The following ACSM3 variants were observed in gnomAD, a reference collection of about 807,000 sequenced individuals.
ACSM3 encodes acyl-coenzyme A synthetase ACSM3, mitochondrial.
ACSM3 carries 61 observed loss-of-function variants against 74.1 expected under a neutral mutation model. The observed-to-expected ratio is 0.82, with a 90% confidence interval of 0.67 to 1.02. ACSM3 has a LOEUF of 1.02. Ranked by LOEUF, ACSM3 falls within the 50% of genes least tolerant of loss-of-function variation. The pLI is 0.00. For synonymous variants in ACSM3, 213 were observed against 241.5 expected, an observed-to-expected ratio of 0.88 and a Z score of 1.09; for missense variants, 660 against 697.0, an observed-to-expected ratio of 0.95 and a Z score of 0.60.
intron 12 of ACSM3, among the ~76,000 whole-genome samples, chr16:20,793,527 C>G (rs1158484258): frequency 6.6e-6 from 1 of 152,168 alleles, no homozygotes; most frequent in Non-Finnish European, 1.5e-5. Flanking sequence ...GTGCATGTTA[C>G]AGTGGAGGGT....
chr16:20,736,395 A>AG (rs1297002901), intron 1 of ACSM3: 2 of 152,732 alleles, frequency 1.3e-5, no homozygotes, highest in Non-Finnish European at 2.9e-5. Flanking sequence ...AAAAAAAAAA[A>AG]ACAGACATAA....
intron 1 of ACSM3, chr16:20,682,403 T>C (rs568188186): frequency 3.7e-6 from 6 of 1,613,966 alleles, no homozygotes; most frequent in Admixed American, 1.7e-5. Flanking sequence ...TTTAGACAAC[T>C]GTAGTCGATA....
intron 1 of ACSM3, among the ~76,000 whole-genome samples, chr16:20,689,693 T>C (rs139128760): frequency 3.4e-4 from 52 of 152,354 alleles, no homozygotes; most frequent in Admixed American, 1.3e-3. Context: ...CAAATTTATA[T>C]AGTAATGTTC....
At chr16:20,676,490 A>T (rs369302568) in intron 1 of ACSM3, among the ~76,000 whole-genome samples, 1 of 152,196 alleles carries the variant, frequency 6.6e-6, no homozygotes, top group East Asian at 1.9e-4. Context: ...CAGCATTTGT[A>T]AGGCAGGCCC....
intron 1 of ACSM3, chr16:20,728,590 C>G (rs950992750): frequency 4.4e-6 from 2 of 451,762 alleles, no homozygotes; most frequent in Non-Finnish European, 8.0e-6. Flanking sequence ...GCAACAAAAT[C>G]TATTTCATCA....
intron 1 of ACSM3, chr16:20,738,945 C>A (rs766529439): frequency 6.2e-7 from 1 of 1,614,124 alleles, no homozygotes; most frequent in African/African-American, 1.3e-5. Flanking sequence ...CCACTTTCCA[C>A]TGACTGGAAT....
chr16:20,756,790 C>T (rs1351738053), intron 3 of ACSM3, among the ~76,000 whole-genome samples: 1 of 152,112 alleles, frequency 6.6e-6, no homozygotes, highest in Non-Finnish European at 1.5e-5. Flanking sequence ...AGTCTTTAAT[C>T]CAACTTGAAT....
rs1164500730 is a variant in ACSM3, at chr16:20,790,818, G to T, written c.1326+130G>T. The T allele has an allele frequency of 6.2e-7, 1 of 1,613,852 alleles. No individual in the cohort carries two copies. Among genetic ancestry groups the T allele is most frequent in the South Asian group, 1.1e-5 (1 of 91,054 alleles). Reference sequence around the variant, plus strand: ...CTTGAGAGATTGGTTGTCCTGAATAGTAATCCAAAAGACAAGAAATTGAAG... The same window carrying T: ...CTTGAGAGATTGGTTGTCCTGAATATTAATCCAAAAGACAAGAAATTGAAG... On this transcript the variant is annotated intron_variant, in intron 10 of 13. Transcript: ENST00000289416. This position sits in a 1 kb window ranked among gnomAD's most constrained non-coding sequence, Gnocchi z 4.0.
intron 1 of ACSM3, among the ~76,000 whole-genome samples, chr16:20,685,851 A>T (rs1231272730): frequency 6.8e-6 from 1 of 146,804 alleles, no homozygotes; most frequent in African/African-American, 2.5e-5. Flanking sequence ...AAAAAACAAA[A>T]AACTTATAGC....
intron 1 of ACSM3, among the ~76,000 whole-genome samples, chr16:20,712,284 G>T (rs1456642429): frequency 3.3e-5 from 5 of 152,114 alleles, no homozygotes; most frequent in Non-Finnish European, 7.3e-5. Flanking sequence ...TAAGATATTT[G>T]CTATCTGGCC....
intron 1 of ACSM3, among the ~76,000 whole-genome samples, chr16:20,727,650 G>A (rs1475796785): frequency 6.6e-6 from 1 of 152,138 alleles, no homozygotes; most frequent in Non-Finnish European, 1.5e-5. Context: ...CTAAAGGGGT[G>A]ATGATTATTA....
chr16:20,737,252 C>T (rs2079878590), intron 1 of ACSM3: 2 of 1,613,588 alleles, frequency 1.2e-6, no homozygotes, highest in Non-Finnish European at 1.7e-6. Flanking sequence ...TGGTGAGATC[C>T]ACTTTATTTT....
intron 8 of ACSM3, 99 bp downstream of exon 8, chr16:20,785,206 G>A (rs992826530): frequency 9.5e-6 from 14 of 1,480,794 alleles, no homozygotes; most frequent in Non-Finnish European, 1.2e-5. Context: ...TGAGGGATAG[G>A]AGTTGAGTGG....
chr16:20,792,058 C>A lies in ACSM3; in HGVS notation c.1383C>A (p.Asp461Glu). The change falls in exon 11 of 14, where the codon GAC (aspartate) becomes GAA (glutamate). Residue 461 changes from aspartate to glutamate, a missense_variant. Transcript: ENST00000289416. ...GAGGCAATTTCTATATCACTGGGGA[C>A]AGAGGATATATGGATAAAGATGGGT... ...TLRGNFYITG[D>E]RGYMDKDGYF... 1.2e-6 allele frequency: 2 copies of A among 1,614,072 alleles called. No homozygotes were observed. The highest frequency in any genetic ancestry group is 4.5e-5 in the East Asian group (2 of 44,882).
intron 1 of ACSM3, among the ~76,000 whole-genome samples, chr16:20,707,782 G>A (rs1470467338): frequency 6.6e-6 from 1 of 152,146 alleles, no homozygotes; most frequent in African/African-American, 2.4e-5. Context: ...AGGCCTGGAA[G>A]AAGTATTTGC....
intron 3 of ACSM3, among the ~76,000 whole-genome samples, chr16:20,776,490 T>G (rs1478963443): frequency 6.6e-6 from 1 of 152,292 alleles, no homozygotes; most frequent in East Asian, 1.9e-4. Flanking sequence ...ATGCTTTCCA[T>G]CCCTGTCTTA....
At chr16:20,752,162 C>T (rs1048392045) in intron 2 of ACSM3, among the ~76,000 whole-genome samples, 3 of 152,054 alleles carry the variant, frequency 2.0e-5, no homozygotes, top group African/African-American at 7.2e-5. Flanking sequence ...TACTCTCCAG[C>T]CTGGGCGACA....
At chr16:20,758,067 GT>G (rs2080046212) in intron 3 of ACSM3, among the ~76,000 whole-genome samples, 1 of 152,090 alleles carries the variant, frequency 6.6e-6, no homozygotes, top group South Asian at 2.1e-4. Context: ...TTGCATCAAT[GT>G]TCATCAAGGA....
At chr16:20,738,886 A>G (rs2079893265) in intron 1 of ACSM3, 8 of 1,613,254 alleles carry the variant, frequency 5.0e-6, no homozygotes, top group Non-Finnish European at 6.8e-6. Context: ...CTTAGCAAGT[A>G]TTTGTCACAC....
Sources: allele counts gnomAD v4.1 joint callset (sites outside exome capture counted in the v4.1 genomes callset), GRCh38; gene constraint gnomAD v4.1.1; non-coding constraint Gnocchi (gnomAD v3.1); transcripts MANE v1.5; gene names NCBI Gene and HGNC (gene_info 2026-07-23, HGNC 2026-07-21).